SLIT3: variants seen among roughly 807,000 people sequenced by gnomAD.
SLIT3 encodes the protein slit homolog 3 protein.
In SLIT3, 68 loss-of-function variants were observed where a neutral mutation model predicts 184.0. The observed-to-expected ratio is 0.37, with a 90% CI of 0.30 to 0.45. The LOEUF is 0.45. Among genes scored for constraint, SLIT3 ranks in the 20% least tolerant of loss-of-function variants. The pLI is 1.00. For synonymous variants in SLIT3, 831 were observed against 828.6 expected (o/e 1.00, Z -0.05); for missense variants, 1,707 against 2,026.0 (o/e 0.84, Z 3.02).
At chr5:169,041,497 G>A (rs1757447765) in intron 4 of SLIT3, among the ~76,000 whole-genome samples, 1 of 152,148 alleles carries the variant, frequency 6.6e-6, no homozygotes, top group Non-Finnish European at 1.5e-5. Flanking sequence ...GGCATTCAGA[G>A]TTTTTCCTCT....
rs368132261 is a variant in SLIT3 at position 168,962,297 on chromosome 5, AC to A, written c.414-78962del. Among the ~76,000 whole-genome samples, 733 of 136,390 alleles carry A rather than the reference AC, an allele frequency of 5.4e-3. 4 individuals carry two copies. Among genetic ancestry groups the A allele is most frequent in the African/African-American group, 0.02 (694 of 34,850 alleles). The allele number at this position is 136,390 out of a possible 152,430, so 89.5% of individuals were successfully genotyped here. A position where few individuals can be genotyped will look rare whatever the true frequency, so the allele number is the denominator to read the frequency against. ...AATTCTGCCTTGGAAATCAAACCAC[AC>A]CCCCCACCCCACAACACACACACAC... On this transcript the variant is annotated intron_variant, in intron 4 of 35. Transcript: ENST00000519560.
chr5:168,817,908 G>A (rs555109472), intron 7 of SLIT3, among the ~76,000 whole-genome samples: 58 of 152,238 alleles, frequency 3.8e-4, no homozygotes, highest in African/African-American at 1.4e-3. Context: ...ACATGCAGCT[G>A]AGAGACGCTG....
rs1767638470 is a variant in SLIT3 at position 169,300,185 on chromosome 5, C to T, written c.197+328G>A. On this transcript the variant is annotated intron_variant, in intron 1 of 35. Coordinates refer to ENST00000519560, the MANE Select transcript of SLIT3 (RefSeq NM_003062.4). The surrounding 1 kb of genome is among the most constrained non-coding windows in gnomAD (Gnocchi z 4.1). ...ACGAGCGCAGACCCCTGACCCTCAC[C>T]CTAAGACCTTGAGGCTGCAGTGCTC... 6.6e-6 allele frequency among the ~76,000 whole-genome samples: 1 copy of T among 152,200 alleles called. No homozygotes were observed. The highest frequency in any genetic ancestry group is 1.5e-5 in the Non-Finnish European group (1 of 68,026).
At chr5:168,886,972 C>T (rs1183517448) in intron 4 of SLIT3, among the ~76,000 whole-genome samples, 1 of 152,140 alleles carries the variant, frequency 6.6e-6, no homozygotes, top group Non-Finnish European at 1.5e-5. Context: ...CCCTCCCCAC[C>T]TTTTTAATTT....
intron 4 of SLIT3, among the ~76,000 whole-genome samples, chr5:168,981,257 G>A (rs1204895725): frequency 6.6e-6 from 1 of 152,088 alleles, no homozygotes. Context: ...TATGCATTTG[G>A]CTCACTGTGG....
chr5:169,193,531 G>C lies in SLIT3; in HGVS notation c.361C>G (p.Leu121Val), dbSNP rs761520183. ...LERLRLNKNK[L>V]QVLPELLFQS... ...AAAAGCAATTCTGGAAGGACTTGCA[G>C]CTTATTCTTGTTCAGGCGCCTAAAG... The change falls in exon 4 of 36, where the codon CTG becomes GTG. Residue 121 changes from leucine (L) to valine (V), a missense_variant. By Grantham distance (32) the Leu-to-Val change is conservative (BLOSUM62 1). Transcript: ENST00000519560. 6.2e-7 allele frequency: 1 copy of C among 1,614,062 alleles called. No homozygotes were observed. Among genetic ancestry groups the C allele is most frequent in the African/African-American group, 1.3e-5 (1 of 75,052 alleles).
chr5:168,838,319 G>A (rs1758122216), intron 6 of SLIT3, among the ~76,000 whole-genome samples: 1 of 152,066 alleles, frequency 6.6e-6, no homozygotes, highest in Non-Finnish European at 1.5e-5. Context: ...GCAGTTCCTA[G>A]GATGTGCCTC....
chr5:169,124,736 C>T (rs746144460), intron 4 of SLIT3, among the ~76,000 whole-genome samples: 4 of 152,102 alleles, frequency 2.6e-5, no homozygotes, highest in Non-Finnish European at 5.9e-5. Flanking sequence ...GAGATCATCC[C>T]TATTTAAATG....
chr5:169,084,346 G>A (rs1242864734), intron 4 of SLIT3, among the ~76,000 whole-genome samples: 3 of 150,316 alleles, frequency 2.0e-5, no homozygotes, highest in Non-Finnish European at 4.4e-5. Flanking sequence ...ATGCAATGGC[G>A]CGATCGTGAT....
At chr5:168,986,764 A>T (rs920264137) in intron 4 of SLIT3, among the ~76,000 whole-genome samples, 7 of 152,328 alleles carry the variant, frequency 4.6e-5, no homozygotes, top group Admixed American at 3.9e-4. Flanking sequence ...TACTGCTTAG[A>T]TTCCTCACCT....
chr5:169,087,472 A>G (rs1404374139), intron 4 of SLIT3, among the ~76,000 whole-genome samples: 1 of 152,216 alleles, frequency 6.6e-6, no homozygotes, highest in African/African-American at 2.4e-5. Flanking sequence ...TGAGGTCAGG[A>G]CTAAGAATGC....
In SLIT3 at chr5:169,300,760, C is replaced by T; in HGVS notation, c.-51G>A. ...GAGGCTGCCTCTGCGGGGCAAGACG[C>T]GTGGAGCCCGAGGAGGCGCGCGGGG... is the stretch of plus-strand genomic sequence containing the variant. On this transcript the variant is annotated 5_prime_UTR_variant, in exon 1 of 36. Coordinates refer to ENST00000519560, the MANE Select transcript of SLIT3 (RefSeq NM_003062.4). The surrounding 1 kb of genome is among the most constrained non-coding windows in gnomAD (Gnocchi z 4.1). The T allele has an allele frequency of 7.9e-7, 1 of 1,266,240 alleles. No individual in the cohort carries two copies. The highest frequency in any genetic ancestry group is 9.9e-7 in the Non-Finnish European group (1 of 1,008,634). The allele number at this position is 1,266,240 out of a possible 1,614,324, so 78.4% of individuals were successfully genotyped here.
chr5:168,941,820 T>C (rs1330395623), intron 4 of SLIT3, among the ~76,000 whole-genome samples: 1 of 152,172 alleles, frequency 6.6e-6, no homozygotes, highest in Non-Finnish European at 1.5e-5. Flanking sequence ...ATCATGATAA[T>C]AAAATACCTA....
intron 4 of SLIT3, among the ~76,000 whole-genome samples, chr5:169,038,185 G>A: frequency 6.6e-6 from 1 of 152,124 alleles, no homozygotes; most frequent in East Asian, 1.9e-4. Context: ...TAAATTTCTT[G>A]TCATAGACCA....
At chr5:168,672,753 T>C (rs947768141) in intron 33 of SLIT3, among the ~76,000 whole-genome samples, 1 of 152,192 alleles carries the variant, frequency 6.6e-6, no homozygotes, top group Non-Finnish European at 1.5e-5. Flanking sequence ...GGATTACAGG[T>C]GTGAGCCACT....
At chr5:168,726,023 T>C (rs1763097392) in intron 20 of SLIT3, among the ~76,000 whole-genome samples, 1 of 152,186 alleles carries the variant, frequency 6.6e-6, no homozygotes, top group African/African-American at 2.4e-5. Flanking sequence ...TAGGTGGCCA[T>C]GGCATATTGG....
chr5:169,000,237 C>G (rs1430709081), intron 4 of SLIT3, among the ~76,000 whole-genome samples: 1 of 151,436 alleles, frequency 6.6e-6, no homozygotes, highest in Non-Finnish European at 1.5e-5. Context: ...ACTAAAAATA[C>G]AAAAATTAGC....
At chr5:169,116,407 T>C (rs1455474938) in intron 4 of SLIT3, among the ~76,000 whole-genome samples, 2 of 152,120 alleles carry the variant, frequency 1.3e-5, no homozygotes, top group Non-Finnish European at 2.9e-5. Flanking sequence ...GACTTCATCA[T>C]TGGCAATAGG....
At chr5:168,935,032 G>A (rs1762108407) in intron 4 of SLIT3, among the ~76,000 whole-genome samples, 1 of 150,542 alleles carries the variant, frequency 6.6e-6, no homozygotes, top group Non-Finnish European at 1.5e-5. Flanking sequence ...CAGCTACTTG[G>A]GAGGCTGAGG....
Sources: gnomAD v4.1 joint callset for allele counts (sites outside exome capture counted in the v4.1 genomes callset) on GRCh38, gnomAD v4.1.1 for gene constraint, Gnocchi (gnomAD v3.1) non-coding constraint, MANE v1.5 for transcripts, NCBI Gene and HGNC (gene_info 2026-07-23, HGNC 2026-07-21) for gene names.